BPTF: variants seen among roughly 807,000 people sequenced by gnomAD.
The protein encoded by BPTF is nucleosome-remodeling factor subunit BPTF.
In BPTF, 18 loss-of-function variants were observed where a neutral mutation model predicts 292.5. That is an observed-to-expected ratio of 0.06 (90% CI 0.04 to 0.09). BPTF has a LOEUF of 0.09. Ranked by LOEUF, BPTF falls within the 10% of genes least tolerant of loss-of-function variation. BPTF has a pLI of 1.00. For synonymous variants in BPTF, 1,225 were observed against 1,251.9 expected (o/e 0.98, Z 0.45); for missense variants, 2,726 against 3,498.7 (o/e 0.78, Z 5.57).
chr17:67,962,012 G>A lies in BPTF; in HGVS notation c.8261+2137G>A, dbSNP rs1160193877. 4.6e-5 allele frequency among the ~76,000 whole-genome samples: 7 copies of A among 151,720 alleles called. No homozygotes were observed. The South Asian group carries it at 8.3e-4, about 18-fold the overall frequency. ...AAGAAAAAAAGCCGGGCCTGGTGGCGCATGCCTATAGCCCCAGCTACTCGG... is the reference window on the plus strand; with the variant it reads ...AAGAAAAAAAGCCGGGCCTGGTGGCACATGCCTATAGCCCCAGCTACTCGG... On this transcript the variant is annotated intron_variant, in intron 24 of 27. Coordinates refer to ENST00000306378, the MANE Select transcript of BPTF (RefSeq NM_182641.4).
In BPTF at chr17:67,976,271, G is replaced by C. The variant is rs868959513; in HGVS notation, c.8726+313G>C. On this transcript the variant is annotated intron_variant, in intron 27 of 27. Transcript: ENST00000306378. ...GCAGATCACCTGAGGTCAGGAGTTC[G>C]AGCCCAGACTGGCCAACATGGGGAA... Among the ~76,000 whole-genome samples the C allele has an allele frequency of 2.6e-5, 4 of 152,092 alleles. No individual in the cohort carries two copies. In the South Asian group the frequency reaches 8.3e-4, roughly 32 times the overall value.
intron 27 of BPTF, among the ~76,000 whole-genome samples, chr17:67,979,045 A>G (rs1220643447): frequency 2.0e-5 from 3 of 151,344 alleles, no homozygotes; most frequent in African/African-American, 7.3e-5. Flanking sequence ...ATGGTGATGT[A>G]CACCTGTGGT....
intron 1 of BPTF, among the ~76,000 whole-genome samples, chr17:67,849,793 T>G (rs2058274533): frequency 6.6e-6 from 1 of 152,030 alleles, no homozygotes; most frequent in South Asian, 2.1e-4. Flanking sequence ...CAAAAAAAAT[T>G]AGCCGGGCAT....
At chr17:67,959,470 C>T (rs923298607) in intron 23 of BPTF, 71 bp from the exon 24 acceptor site, 4 of 1,260,096 alleles carry the variant, frequency 3.2e-6, no homozygotes, top group Non-Finnish European at 4.3e-6. Flanking sequence ...GGGTAGTGTA[C>T]CATCTTCTGG....
At chr17:67,939,829 A>G (rs531126733) in intron 18 of BPTF, among the ~76,000 whole-genome samples, 97 of 152,164 alleles carry the variant, frequency 6.4e-4, no homozygotes, top group Non-Finnish European at 1.2e-3. Flanking sequence ...GCAGTGAGCC[A>G]AGATCACGCC....
rs1258655840 is a variant in BPTF at position 67,854,148 on chromosome 17, G to A, written c.822G>A (p.Leu274=). The part of the protein sequence containing the change: ...PFRFEDFCAA[L]VSQEQCTLMA... The stretch of plus-strand genomic sequence containing the variant: ...GCTTTGAGGACTTTTGTGCAGCTCT[G>A]GTGAGCCAAGAGCAGTGCACACTCA... Residue 274 remains leucine, a synonymous_variant, in exon 2 of 28, where the codon CTG becomes CTA. Coordinates refer to ENST00000306378, the MANE Select transcript of BPTF (RefSeq NM_182641.4). This position sits in a 1 kb window ranked among gnomAD's most constrained non-coding sequence, Gnocchi z 5.6. 6.2e-7 allele frequency: 1 copy of A among 1,614,058 alleles called. No individual in the cohort carries two copies. The highest frequency in any genetic ancestry group is 8.5e-7 in the Non-Finnish European group (1 of 1,180,046).
intron 14 of BPTF, 146 bp from the exon 15 acceptor site, chr17:67,924,401 C>T: frequency 1.2e-6 from 1 of 820,742 alleles, no homozygotes; most frequent in Non-Finnish European, 1.9e-6. Flanking sequence ...AGGCATGAGC[C>T]ACCTCGCACA....
chr17:67,964,827 G>T (rs570022240), intron 25 of BPTF, among the ~76,000 whole-genome samples: 32 of 150,308 alleles, frequency 2.1e-4, no homozygotes, highest in African/African-American at 6.9e-4. Context: ...GTGAAACCCC[G>T]TCTCTACTAA....
intron 2 of BPTF, among the ~76,000 whole-genome samples, chr17:67,855,590 G>A (rs73350869): frequency 0.018 from 2,809 of 152,228 alleles, 96 homozygotes; most frequent in African/African-American, 0.064. Context: ...TGAGGGTTTC[G>A]AGAAGCTCTT....
Position 67,912,567 on chromosome 17 carries a change from T to A in BPTF, c.4683T>A (p.Phe1561Leu). The A allele has an allele frequency of 6.2e-7, 1 of 1,613,730 alleles. No homozygotes were observed. The highest frequency in any genetic ancestry group is 2.2e-5 in the East Asian group (1 of 44,888). ...AGGAATCTAATCTCAGTAATGACTT[T>A]ATTGATGAAAATGGTCTGCCCATCA... is the stretch of plus-strand genomic sequence containing the variant. ...SEEESNLSNDFIDENGLPINK... is the reference protein window; with the variant it reads ...SEEESNLSNDLIDENGLPINK... Residue 1561 changes from phenylalanine (F) to leucine (L), a missense_variant, in exon 11 of 28, where the codon TTT becomes TTA. Physicochemically the swap from Phe to Leu is conservative, Grantham distance 22 (BLOSUM62 0). Around this residue, in one of 22 missense-constraint regions of BPTF, gnomAD observed 144 missense variants for 177.2 expected, o/e 0.81. Transcript: ENST00000306378.
intron 1 of BPTF, among the ~76,000 whole-genome samples, chr17:67,844,702 G>C (rs1309517170): frequency 6.6e-6 from 1 of 151,914 alleles, no homozygotes; most frequent in Non-Finnish European, 1.5e-5. Context: ...CGTCCAGTCT[G>C]TTGCCTTACA....
At chr17:67,910,253 CA>C (rs1465718402) in intron 10 of BPTF, among the ~76,000 whole-genome samples, 1 of 152,080 alleles carries the variant, frequency 6.6e-6, no homozygotes, top group Non-Finnish European at 1.5e-5. Flanking sequence ...TTTTGTTATC[CA>C]TTCATCAGTT....
Position 67,966,673 on chromosome 17 carries a change from A to C in BPTF, c.8539+17A>C, listed in dbSNP as rs376393454. 2.0e-5 allele frequency: 29 copies of C among 1,467,552 alleles called. No homozygotes were observed. The highest frequency in any genetic ancestry group is 2.9e-5 in the African/African-American group (2 of 68,896). The allele number at this position is 1,467,552 out of a possible 1,614,324, so 90.9% of individuals were successfully genotyped here. A position where few individuals can be genotyped will look rare whatever the true frequency, so the allele number is the denominator to read the frequency against. ...AACCTATGGGTAAGTACATGAGTTGAATATGAAGTTTTTCAGAAGTCTCAG... is the reference window on the plus strand; with the variant it reads ...AACCTATGGGTAAGTACATGAGTTGCATATGAAGTTTTTCAGAAGTCTCAG... On this transcript the variant is annotated intron_variant, in intron 26 of 27. Transcript: ENST00000306378.
At chr17:67,972,803 C>G (rs1406981649) in intron 26 of BPTF, among the ~76,000 whole-genome samples, 7 of 151,570 alleles carry the variant, frequency 4.6e-5, no homozygotes, top group Non-Finnish European at 5.9e-5. Flanking sequence ...GAAAATTAGT[C>G]AAGCAGTAAG....
intron 9 of BPTF, among the ~76,000 whole-genome samples, chr17:67,905,545 A>G (rs1179507110): frequency 6.6e-6 from 1 of 151,748 alleles, no homozygotes; most frequent in East Asian, 1.9e-4. Flanking sequence ...CATCTCTACA[A>G]AAACGTTTTA....
intron 10 of BPTF, among the ~76,000 whole-genome samples, chr17:67,910,162 G>T (rs1007405710): frequency 6.6e-6 from 1 of 152,124 alleles, no homozygotes; most frequent in Non-Finnish European, 1.5e-5. Flanking sequence ...ACTTAGCATG[G>T]TTTTAAGGTT....
chr17:67,961,613 G>C (rs1316794396), intron 24 of BPTF, among the ~76,000 whole-genome samples: 1 of 152,148 alleles, frequency 6.6e-6, no homozygotes, highest in East Asian at 1.9e-4. Flanking sequence ...TTGGGAGGCC[G>C]AAGTGGGAGG....
chr17:67,871,887 A>G (rs536502761), intron 3 of BPTF, among the ~76,000 whole-genome samples: 1 of 152,028 alleles, frequency 6.6e-6, no homozygotes, highest in East Asian at 1.9e-4. Context: ...GTGCAGTGGC[A>G]TGATCTCGGC....
intron 11 of BPTF, among the ~76,000 whole-genome samples, chr17:67,916,925 A>G (rs2063045357): frequency 6.6e-6 from 1 of 152,176 alleles, no homozygotes; most frequent in Non-Finnish European, 1.5e-5. Context: ...GAAAATGTCA[A>G]CAAAGTATTC....
Sources: allele counts gnomAD v4.1 joint callset (sites outside exome capture counted in the v4.1 genomes callset), GRCh38; gene constraint gnomAD v4.1.1; regional missense constraint gnomAD v4.1.1; non-coding constraint Gnocchi (gnomAD v3.1); transcripts MANE v1.5; gene names NCBI Gene and HGNC (gene_info 2026-07-23, HGNC 2026-07-21).